FASTKD5: variants seen among roughly 807,000 people sequenced by gnomAD.
FASTKD5 encodes non-canonical pre-mRNAs endonuclease FASTKD5, mitochondrial.
In FASTKD5, 30 loss-of-function variants were observed where a neutral mutation model predicts 44.0. The ratio of observed to expected loss-of-function variants is 0.68; its 90% CI spans 0.51 to 0.93. FASTKD5 has a LOEUF of 0.93. Ranked by LOEUF, FASTKD5 falls within the 40% of genes least tolerant of loss-of-function variation. The pLI is 0.00. For synonymous variants in FASTKD5, 335 were observed against 342.2 expected (o/e 0.98, Z 0.23); for missense variants, 868 against 908.2 (o/e 0.96, Z 0.57).
At position 3,147,206 on chromosome 20, in the gene FASTKD5, C is replaced by T. The variant is rs202238544; in HGVS notation, c.1865G>A (p.Gly622Glu). The change falls in exon 2 of 2, where the codon GGA becomes GAA. Residue 622 changes from glycine to glutamate, a missense_variant. By Grantham distance (98) the Gly-to-Glu change is moderately conservative (BLOSUM62 -2). Transcript: ENST00000380266. ...NVAKLRLEHV[G>E]VSLTDDLMNK... ...CATCAAATCATCTGTAAGGCTGACTCCCACATGCTCAAGCCTTAATTTGGC... is the reference window on the plus strand; with the variant it reads ...CATCAAATCATCTGTAAGGCTGACTTCCACATGCTCAAGCCTTAATTTGGC... 47 of 1,614,046 alleles carry T rather than the reference C, an allele frequency of 2.9e-5. No individual in the cohort carries two copies. The highest frequency in any genetic ancestry group is 3.4e-5 in the Non-Finnish European group (40 of 1,180,060).
At chr20:3,153,461 A>G (rs1009398273) in intron 1 of FASTKD5, among the ~76,000 whole-genome samples, 11 of 152,262 alleles carry the variant, frequency 7.2e-5, no homozygotes, top group African/African-American at 2.7e-4. Context: ...GATGAGAAAG[A>G]GACCACAAGA....
intron 1 of FASTKD5, among the ~76,000 whole-genome samples, chr20:3,152,480 C>T (rs538205891): frequency 4.0e-5 from 6 of 151,796 alleles, no homozygotes; most frequent in South Asian, 2.1e-4. Context: ...GCAGCCCGGG[C>T]GATAGTGCAA....
intron 1 of FASTKD5, among the ~76,000 whole-genome samples, chr20:3,151,174 A>G (rs751614338): frequency 6.6e-6 from 1 of 152,072 alleles, no homozygotes; most frequent in Non-Finnish European, 1.5e-5. Context: ...AAGTGCTAGT[A>G]TTACAGGCAT....
chr20:3,148,910 T>TTGGCAGAA lies in FASTKD5; in HGVS notation c.153_160dup (p.Lys54IlefsTer19). 6.2e-7 allele frequency: 1 copy of TTGGCAGAA among 1,614,198 alleles called. No homozygotes were observed. Among genetic ancestry groups the TTGGCAGAA allele is most frequent in the Non-Finnish European group, 8.5e-7 (1 of 1,180,032 alleles). ...GGTGCTACATATGTTCTTAACTTTTTTGGCAGAATGGCAGAGGCTAATGTG... is the reference window on the plus strand; with the variant it reads ...GGTGCTACATATGTTCTTAACTTTTTTGGCAGAATGGCAGAATGGCAGAGGCTAATGTG... On this transcript the variant is annotated frameshift_variant, in exon 2 of 2. Transcript: ENST00000380266. LOFTEE classifies it high-confidence loss of function.
chr20:3,153,088 T>C (rs1178915667), intron 1 of FASTKD5, among the ~76,000 whole-genome samples: 6 of 152,184 alleles, frequency 3.9e-5, no homozygotes, highest in Non-Finnish European at 8.8e-5. Context: ...GTGGAACAAA[T>C]AGCACATAAA....
In FASTKD5 at chr20:3,147,274, C is replaced by T. The variant is rs2066574778; in HGVS notation, c.1797G>A (p.Lys599=). The change falls in exon 2 of 2, where the codon AAG becomes AAA. Residue 599 remains lysine, a synonymous_variant. Transcript: ENST00000380266. ...DLEVQLDVNL[K]PLPFNREATP... ...TGGCTTCTCTATTAAATGGTAATGG[C>T]TTCAGGTTAACATCAAGCTGGACCT... is the stretch of plus-strand genomic sequence containing the variant. The T allele has an allele frequency of 1.9e-6, 3 of 1,614,196 alleles. No homozygotes were observed. The highest frequency in any genetic ancestry group is 2.2e-5 in the South Asian group (2 of 91,086).
At position 3,146,728 on chromosome 20, in the gene FASTKD5, T is replaced by C; in HGVS notation, c.*48A>G. 1.3e-6 allele frequency: 2 copies of C among 1,557,656 alleles called. No individual in the cohort carries two copies. The highest frequency in any genetic ancestry group is 1.4e-5 in the African/African-American group (1 of 72,976). On this transcript the variant is annotated 3_prime_UTR_variant, in exon 2 of 2. Transcript: ENST00000380266. ...TTTATAATCATTTTGCAACACCTGG[T>C]ACAGTATACACCTATAGCTTTGCCA...
At chr20:3,154,403 A>G (rs569537908) in intron 1 of FASTKD5, among the ~76,000 whole-genome samples, 1 of 152,390 alleles carries the variant, frequency 6.6e-6, no homozygotes, top group South Asian at 2.1e-4. Context: ...TACCACAGGC[A>G]GGATGCAATG....
rs537768948 is a variant in FASTKD5, at chr20:3,158,555, A to G, written c.-191+1211T>C. ...GTGGCGCGATCTCGGCTCACTGCAC[A>G]CTCCGCCTCCCGGGGTTCACGCCAC... is the stretch of plus-strand genomic sequence containing the variant. On this transcript the variant is annotated intron_variant, in intron 1 of 1. Coordinates refer to ENST00000380266, the MANE Select transcript of FASTKD5 (RefSeq NM_021826.5). Among the ~76,000 whole-genome samples, 218 of 151,782 alleles carry G rather than the reference A, an allele frequency of 1.4e-3. 1 individual carries two copies. Among genetic ancestry groups the G allele is most frequent in the African/African-American group, 4.9e-3 (202 of 41,378 alleles).
chr20:3,148,071 C>A lies in FASTKD5; in HGVS notation c.1000G>T (p.Glu334Ter). The A allele has an allele frequency of 6.2e-7, 1 of 1,614,166 alleles. No homozygotes were observed. Among genetic ancestry groups the A allele is most frequent in the South Asian group, 1.1e-5 (1 of 91,080 alleles). Reference sequence around the variant, plus strand: ...TCTCCAATTTTCCGCATGACAAATTCAGAGAGATTAGTACTTGATTTAAAG... The same window carrying A: ...TCTCCAATTTTCCGCATGACAAATTAAGAGAGATTAGTACTTGATTTAAAG... Reference protein sequence around the residue: ...GFFKSSTNLSEFVMRKIGDLA... With the variant: ...GFFKSSTNLS Residue 334 changes from glutamate (E) to a stop codon, truncating the protein, a stop_gained, in exon 2 of 2, where the codon GAA becomes TAA. Coordinates refer to ENST00000380266, the MANE Select transcript of FASTKD5 (RefSeq NM_021826.5). LOFTEE classifies it high-confidence loss of function.
intron 1 of FASTKD5, among the ~76,000 whole-genome samples, chr20:3,157,662 T>G (rs1049760072): frequency 1.3e-5 from 2 of 152,236 alleles, no homozygotes; most frequent in African/African-American, 4.8e-5. Flanking sequence ...TAGGCACTCA[T>G]GTCCTCTCAG....
At chr20:3,158,480 A>C (rs1224244832) in intron 1 of FASTKD5, among the ~76,000 whole-genome samples, 1 of 152,042 alleles carries the variant, frequency 6.6e-6, no homozygotes, top group Admixed American at 6.6e-5. Flanking sequence ...TTATTTATTT[A>C]TTCATTTATT....
In FASTKD5 at chr20:3,147,511, TG is replaced by T; in HGVS notation, c.1559del (p.Thr520LysfsTer29). The T allele has an allele frequency of 6.2e-7, 1 of 1,614,240 alleles. No individual in the cohort carries two copies. The highest frequency in any genetic ancestry group is 8.5e-7 in the Non-Finnish European group (1 of 1,180,044). ...LLKELYTLDG[T>X]VGIECPDYRG... is the part of the protein sequence containing the mutation. ...TGTAATCTGGACACTCAATGCCAAC[TG>T]TACCATCGAGGGTATATAGTTCCTT... On this transcript the variant is annotated frameshift_variant, in exon 2 of 2. Coordinates refer to ENST00000380266, the MANE Select transcript of FASTKD5 (RefSeq NM_021826.5). LOFTEE classifies it high-confidence loss of function.
chr20:3,149,670 T>A lies in FASTKD5; in HGVS notation c.-190-410A>T, dbSNP rs2066604599. On this transcript the variant is annotated intron_variant, in intron 1 of 1. Coordinates refer to ENST00000380266, the MANE Select transcript of FASTKD5 (RefSeq NM_021826.5). This position sits in a 1 kb window ranked among gnomAD's most constrained non-coding sequence, Gnocchi z 4.1. The stretch of plus-strand genomic sequence containing the variant: ...AAACAGGTCCTACCTGAAGAATGTT[T>A]ATAAAAACTGCTATGCTAACAGCAC... Among the ~76,000 whole-genome samples, 1 of 152,194 alleles carries A rather than the reference T, an allele frequency of 6.6e-6. No individual in the cohort carries two copies. Among genetic ancestry groups the A allele is most frequent in the Non-Finnish European group, 1.5e-5 (1 of 68,032 alleles).
chr20:3,146,661 C>A lies in FASTKD5; in HGVS notation c.*115G>T. 8.0e-7 allele frequency: 1 copy of A among 1,242,736 alleles called. No homozygotes were observed. The highest frequency in any genetic ancestry group is 1.1e-6 in the Non-Finnish European group (1 of 886,164). The allele number at this position is 1,242,736 out of a possible 1,614,324, so 77.0% of individuals were successfully genotyped here. A position where few individuals can be genotyped will look rare whatever the true frequency, so the allele number is the denominator to read the frequency against. ...TAACCTGCCTTGGATACAATTAAGT[C>A]TCCTCAACACACTATTTTATCGCCA... On this transcript the variant is annotated 3_prime_UTR_variant, in exon 2 of 2. Coordinates refer to ENST00000380266, the MANE Select transcript of FASTKD5 (RefSeq NM_021826.5).
rs755825476 is a variant in FASTKD5 at position 3,147,497 on chromosome 20, C to T, written c.1574G>A (p.Cys525Tyr). 1 of 1,614,218 alleles carries T rather than the reference C, an allele frequency of 6.2e-7. No homozygotes were observed. Among genetic ancestry groups the T allele is most frequent in the Non-Finnish European group, 8.5e-7 (1 of 1,180,034 alleles). Residue 525 changes from cysteine to tyrosine, a missense_variant, in exon 2 of 2, where the codon TGT (cysteine) becomes TAT (tyrosine). Cys to Tyr is a radical substitution (Grantham distance 194). Transcript: ENST00000380266. ...YTLDGTVGIE[C>Y]PDYRGNRLST... The stretch of plus-strand genomic sequence containing the variant: ...AAGACGATTGCCTCTGTAATCTGGA[C>T]ACTCAATGCCAACTGTACCATCGAG...
intron 1 of FASTKD5, among the ~76,000 whole-genome samples, chr20:3,150,254 G>A (rs1489858386): frequency 6.6e-6 from 1 of 152,098 alleles, no homozygotes; most frequent in African/African-American, 2.4e-5. Flanking sequence ...ATTTTGGTGG[G>A]AGAAAGCAGA....
chr20:3,146,885 C>A lies in FASTKD5; in HGVS notation c.2186G>T (p.Gly729Val). 1 of 1,614,178 alleles carries A rather than the reference C, an allele frequency of 6.2e-7. No homozygotes were observed. The highest frequency in any genetic ancestry group is 8.5e-7 in the Non-Finnish European group (1 of 1,180,030). ...GTAGGATAACTCTACCACACGGTAGCCAAGCCGAGCCAGCTGCCGCCTCTT... is the reference window on the plus strand; with the variant it reads ...GTAGGATAACTCTACCACACGGTAGACAAGCCGAGCCAGCTGCCGCCTCTT... Reference protein sequence around the residue: ...NMKRRQLARLGYRVVELSYWE... With the variant: ...NMKRRQLARLVYRVVELSYWE... The change falls in exon 2 of 2, where the codon GGC (glycine) becomes GTC (valine). Residue 729 changes from glycine (G) to valine (V), a missense_variant. Coordinates refer to ENST00000380266, the MANE Select transcript of FASTKD5 (RefSeq NM_021826.5).
At chr20:3,158,011 A>T (rs1438578843) in intron 1 of FASTKD5, among the ~76,000 whole-genome samples, 1 of 150,624 alleles carries the variant, frequency 6.6e-6, no homozygotes, top group Non-Finnish European at 1.5e-5. Context: ...CACCCCGGCA[A>T]CCTCCCGGGC....
Sources: gnomAD v4.1 joint callset for allele counts (sites outside exome capture counted in the v4.1 genomes callset) on GRCh38, gnomAD v4.1.1 for gene constraint, Gnocchi (gnomAD v3.1) non-coding constraint, MANE v1.5 for transcripts, NCBI Gene and HGNC (gene_info 2026-07-23, HGNC 2026-07-21) for gene names.